The following PARD3B variants were observed in gnomAD, a reference collection of about 807,000 sequenced individuals.
PARD3B encodes par-3 family cell polarity regulator beta.
A neutral mutation model predicts 130.2 loss-of-function variants in PARD3B; 103 were observed. That is an observed-to-expected ratio of 0.79 (90% CI 0.67 to 0.93). PARD3B has a LOEUF of 0.93. Among genes scored for constraint, PARD3B ranks in the 40% least tolerant of loss-of-function variants. The pLI, the probability that PARD3B is intolerant of heterozygous loss-of-function variation, is 0.00. For missense variants in PARD3B, 1,609 were observed against 1,499.2 expected, an observed-to-expected ratio of 1.07 and a Z score of -1.21; for synonymous variants, 583 against 553.2, an observed-to-expected ratio of 1.05 and a Z score of -0.76.
chr2:204,675,803 GA>G lies in PARD3B; in HGVS notation c.121-10373del, dbSNP rs962042894. On this transcript the variant is annotated intron_variant, in intron 1 of 22. Coordinates refer to ENST00000406610, the MANE Select transcript of PARD3B (RefSeq NM_001302769.2). The surrounding 1 kb of genome is among the most constrained non-coding windows in gnomAD (Gnocchi z 4.4). ...TCAATACTTAAATATTTTTCTATTTGAAAAAGGGAATAAGTAATATTATTAA... is the reference window on the plus strand; with the variant it reads ...TCAATACTTAAATATTTTTCTATTTGAAAAGGGAATAAGTAATATTATTAA... Among the ~76,000 whole-genome samples the G allele has an allele frequency of 6.6e-6, 1 of 152,002 alleles. No individual in the cohort carries two copies. The highest frequency in any genetic ancestry group is 2.4e-5 in the African/African-American group (1 of 41,400).
At chr2:204,551,028 C>A (rs975252372) in intron 1 of PARD3B, among the ~76,000 whole-genome samples, 27 of 152,192 alleles carry the variant, frequency 1.8e-4, no homozygotes, top group African/African-American at 6.5e-4. Flanking sequence ...GACCTCACTT[C>A]TTTACAGCAT....
At chr2:205,060,741 T>C (rs1700019892) in intron 4 of PARD3B, among the ~76,000 whole-genome samples, 1 of 152,180 alleles carries the variant, frequency 6.6e-6, no homozygotes, top group African/African-American at 2.4e-5. Flanking sequence ...GTGTTAAATA[T>C]AATTAAAGGG....
rs539543857 is a variant in PARD3B at position 204,547,287 on chromosome 2, G to T, written c.120+1168G>T. Among the ~76,000 whole-genome samples the T allele has an allele frequency of 1.6e-3, 251 of 152,260 alleles. 1 individual carries two copies. The highest frequency in any genetic ancestry group is 5.6e-3 in the African/African-American group (231 of 41,548). ...AATTATTATACAGAAAAAAAATTCAGCTCTGGACAGATACATGTGCATATT... is the reference window on the plus strand; with the variant it reads ...AATTATTATACAGAAAAAAAATTCATCTCTGGACAGATACATGTGCATATT... On this transcript the variant is annotated intron_variant, in intron 1 of 22. Transcript: ENST00000406610.
intron 18 of PARD3B, among the ~76,000 whole-genome samples, chr2:205,377,713 C>A (rs2045117011): frequency 6.6e-6 from 1 of 151,904 alleles, no homozygotes; most frequent in Non-Finnish European, 1.5e-5. Flanking sequence ...AACATCAGGT[C>A]CCTCTAATCA....
At chr2:205,545,137 T>A (rs900504217) in intron 21 of PARD3B, among the ~76,000 whole-genome samples, 2 of 152,210 alleles carry the variant, frequency 1.3e-5, no homozygotes, top group African/African-American at 4.8e-5. Flanking sequence ...GGCATATTTG[T>A]AAATACGTAG....
chr2:205,099,075 A>G (rs1490509487), intron 4 of PARD3B, among the ~76,000 whole-genome samples: 2 of 152,210 alleles, frequency 1.3e-5, no homozygotes, highest in Non-Finnish European at 2.9e-5. Flanking sequence ...AGTTGGCAGG[A>G]CACAATCTCC....
chr2:205,041,973 C>T (rs1200215160), intron 3 of PARD3B, among the ~76,000 whole-genome samples: 1 of 152,062 alleles, frequency 6.6e-6, no homozygotes, highest in Admixed American at 6.6e-5. Flanking sequence ...ACATATCCTC[C>T]AAATGAAAAT....
intron 4 of PARD3B, among the ~76,000 whole-genome samples, chr2:205,081,937 A>G (rs62172477): frequency 0.2 from 30,518 of 152,008 alleles, 3,566 homozygotes; most frequent in Middle Eastern, 0.3. Flanking sequence ...TATTTCTGAA[A>G]GAGTCTTTGT....
intron 2 of PARD3B, among the ~76,000 whole-genome samples, chr2:204,765,256 A>G (rs536369043): frequency 6.6e-6 from 1 of 152,296 alleles, no homozygotes; most frequent in African/African-American, 2.4e-5. Flanking sequence ...AAAAATATTT[A>G]GCCCCATCCA....
chr2:205,471,353 C>CT (rs769669913), intron 20 of PARD3B, among the ~76,000 whole-genome samples: 1,463 of 85,430 alleles, frequency 0.017, 37 homozygotes, highest in Non-Finnish European at 0.025. Context: ...ACTCACTTTT[C>CT]TTTTTTTTTT....
intron 20 of PARD3B, among the ~76,000 whole-genome samples, chr2:205,480,058 A>G (rs1321905630): frequency 6.6e-6 from 1 of 152,028 alleles, no homozygotes; most frequent in Admixed American, 6.6e-5. Flanking sequence ...GCCCTCCACC[A>G]TGCCCAGCTA....
At chr2:204,813,701 C>T (rs2043044860) in intron 2 of PARD3B, among the ~76,000 whole-genome samples, 1 of 152,006 alleles carries the variant, frequency 6.6e-6, no homozygotes, top group African/African-American at 2.4e-5. Context: ...AAGAGTGAGA[C>T]ATGAGTTCAA....
Position 205,098,344 on chromosome 2 carries a change from G to A in PARD3B, c.505-6082G>A, listed in dbSNP as rs571136818. 3.3e-5 allele frequency among the ~76,000 whole-genome samples: 5 copies of A among 152,276 alleles called. No homozygotes were observed. In the South Asian group the frequency reaches 1.0e-3, roughly 32 times the overall value. The stretch of plus-strand genomic sequence containing the variant: ...ATTTTATGGGCAAGTGGTTTCCAAT[G>A]TAGCTAAAATTCATTGAGGGGGAAA... On this transcript the variant is annotated intron_variant, in intron 4 of 22. Transcript: ENST00000406610.
intron 19 of PARD3B, among the ~76,000 whole-genome samples, chr2:205,438,791 T>C (rs2047608958): frequency 6.6e-6 from 1 of 152,212 alleles, no homozygotes; most frequent in African/African-American, 2.4e-5. Context: ...TGCAAAAATA[T>C]AAATTCTTCT....
chr2:205,060,209 CCCT>C (rs921636302), intron 4 of PARD3B, among the ~76,000 whole-genome samples: 4 of 151,976 alleles, frequency 2.6e-5, no homozygotes, highest in Admixed American at 6.6e-5. Flanking sequence ...GTTTATCAGC[CCCT>C]CCTCCTAAAA....
intron 3 of PARD3B, among the ~76,000 whole-genome samples, chr2:205,046,506 G>A (rs1698794801): frequency 6.7e-6 from 1 of 148,834 alleles, no homozygotes; most frequent in Non-Finnish European, 1.5e-5. Context: ...TTAAGAAAAG[G>A]AAGTTCTATC....
intron 2 of PARD3B, among the ~76,000 whole-genome samples, chr2:204,929,484 T>G (rs1687867541): frequency 6.6e-6 from 1 of 152,174 alleles, no homozygotes. Context: ...AGTTAAAAAT[T>G]ACTGGGAAAG....
At chr2:205,396,866 C>T (rs1288850940) in intron 18 of PARD3B, among the ~76,000 whole-genome samples, 2 of 152,094 alleles carry the variant, frequency 1.3e-5, no homozygotes, top group African/African-American at 4.8e-5. Context: ...ACTTTTCTCA[C>T]AAAAATAGCT....
intron 18 of PARD3B, among the ~76,000 whole-genome samples, chr2:205,380,747 A>G (rs1452182488): frequency 9.6e-6 from 1 of 104,186 alleles, no homozygotes; most frequent in Non-Finnish European, 1.7e-5. Context: ...TACATTATAT[A>G]TACTATATAT....
Sources: gnomAD v4.1 joint callset for allele counts (sites outside exome capture counted in the v4.1 genomes callset) on GRCh38, gnomAD v4.1.1 for gene constraint, Gnocchi (gnomAD v3.1) non-coding constraint, MANE v1.5 for transcripts, NCBI Gene and HGNC (gene_info 2026-07-23, HGNC 2026-07-21) for gene names.